The following CCSER1 variants were observed in gnomAD, a reference collection of about 807,000 sequenced individuals.
CCSER1 encodes coiled-coil serine rich protein 1, also known as serine-rich coiled-coil domain-containing protein 1.
Under a neutral mutation model 82.0 loss-of-function variants are expected in CCSER1, and 41 were observed. The ratio of observed to expected loss-of-function variants is 0.50; its 90% confidence interval spans 0.39 to 0.65. The LOEUF is 0.65. Ranked by LOEUF, CCSER1 falls within the 30% of genes least tolerant of loss-of-function variation. The pLI is 0.00. For synonymous variants in CCSER1, 414 were observed against 383.9 expected, an observed-to-expected ratio of 1.08 and a Z score of -0.92; for missense variants, 1,119 against 1,064.2, an observed-to-expected ratio of 1.05 and a Z score of -0.72.
chr4:90,744,912 C>G (rs1310602596), intron 7 of CCSER1, among the ~76,000 whole-genome samples: 1 of 151,716 alleles, frequency 6.6e-6, no homozygotes, highest in African/African-American at 2.4e-5. Context: ...GACTAGTGAT[C>G]TAGACTATCG....
intron 10 of CCSER1, among the ~76,000 whole-genome samples, chr4:91,432,722 T>C (rs1198264013): frequency 6.6e-6 from 1 of 152,202 alleles, no homozygotes; most frequent in Admixed American, 6.5e-5. Context: ...TGGATTTTTG[T>C]ATTGTGTTAC....
chr4:90,627,933 C>A (rs762638212), intron 5 of CCSER1, 92 bp from the exon 6 acceptor site: 6 of 915,768 alleles, frequency 6.6e-6, no homozygotes, highest in Non-Finnish European at 1.1e-5. Flanking sequence ...GAAATACTTT[C>A]TAGGATACTA....
At chr4:90,300,575 A>T (rs1732903822) in intron 1 of CCSER1, among the ~76,000 whole-genome samples, 1 of 152,176 alleles carries the variant, frequency 6.6e-6, no homozygotes, top group Admixed American at 6.6e-5. Flanking sequence ...TATCTCATAT[A>T]TGAGACCAGG....
intron 6 of CCSER1, among the ~76,000 whole-genome samples, chr4:90,692,018 T>G (rs1300882704): frequency 6.8e-6 from 1 of 147,432 alleles, no homozygotes; most frequent in Non-Finnish European, 1.5e-5. Context: ...TAAATATTCT[T>G]TTACAATTCA....
At chr4:90,448,279 C>G (rs1397327438) in intron 4 of CCSER1, among the ~76,000 whole-genome samples, 2 of 151,532 alleles carry the variant, frequency 1.3e-5, no homozygotes, top group African/African-American at 4.8e-5. Flanking sequence ...GGATAATTCA[C>G]AAAGCATTGT....
At chr4:91,005,539 T>C (rs1379938373) in intron 9 of CCSER1, among the ~76,000 whole-genome samples, 1 of 152,168 alleles carries the variant, frequency 6.6e-6, no homozygotes, top group Non-Finnish European at 1.5e-5. Context: ...TTTAAAATTT[T>C]TGGTAATAAT....
intron 10 of CCSER1, among the ~76,000 whole-genome samples, chr4:91,387,608 G>C (rs541120720): frequency 2.5e-4 from 38 of 152,048 alleles, no homozygotes; most frequent in Admixed American, 3.9e-4. Context: ...TGAGGCTTTG[G>C]TCTCCATTTT....
intron 5 of CCSER1, among the ~76,000 whole-genome samples, chr4:90,535,389 A>C (rs1212600347): frequency 6.6e-6 from 1 of 152,168 alleles, no homozygotes; most frequent in Non-Finnish European, 1.5e-5. Flanking sequence ...ATTTAAGACC[A>C]GACCGGACAA....
At chr4:90,963,617 T>C (rs72882893) in intron 9 of CCSER1, among the ~76,000 whole-genome samples, 1,763 of 151,620 alleles carry the variant, frequency 0.012, 32 homozygotes, top group African/African-American at 0.039. Flanking sequence ...GAAAAGGCCA[T>C]TTGAGGGCAC....
intron 10 of CCSER1, among the ~76,000 whole-genome samples, chr4:91,393,397 G>A (rs1051536892): frequency 5.9e-5 from 9 of 152,040 alleles, no homozygotes; most frequent in Non-Finnish European, 1.5e-5. Context: ...TCTATATTGA[G>A]TGCCTCTGCT....
At chr4:90,127,972 C>A (rs920211911) in intron 1 of CCSER1, 141 bp downstream of exon 1, 2 of 151,798 alleles carry the variant, frequency 1.3e-5, no homozygotes, top group Non-Finnish European at 2.9e-5. Context: ...GCAGCGCGCG[C>A]CCAGGCCCGG....
intron 10 of CCSER1, among the ~76,000 whole-genome samples, chr4:91,277,723 A>G (rs562093740): frequency 2.3e-3 from 351 of 150,490 alleles, no homozygotes; most frequent in Non-Finnish European, 3.0e-3. Context: ...TTTCTCTACT[A>G]ATTTTGGGTT....
chr4:91,480,015 A>G (rs1454062853), intron 10 of CCSER1, among the ~76,000 whole-genome samples: 2 of 143,268 alleles, frequency 1.4e-5, no homozygotes, highest in Non-Finnish European at 3.0e-5. Context: ...TTCTTGCGAT[A>G]GTTTACTGAG....
chr4:91,523,458 C>T (rs1361284218), intron 10 of CCSER1, among the ~76,000 whole-genome samples: 6 of 152,110 alleles, frequency 3.9e-5, no homozygotes, highest in Non-Finnish European at 8.8e-5. Flanking sequence ...GGTACCAGCT[C>T]CTCTTTGTAC....
At chr4:91,463,130 C>T (rs570359131) in intron 10 of CCSER1, among the ~76,000 whole-genome samples, 3 of 152,134 alleles carry the variant, frequency 2.0e-5, no homozygotes, top group African/African-American at 7.2e-5. Context: ...ACTGACTCCC[C>T]ACATGGCCAA....
chr4:91,302,812 C>CT lies in CCSER1; in HGVS notation c.2217+216830dup, dbSNP rs5860228. Among the ~76,000 whole-genome samples the CT allele has an allele frequency of 2.8e-3, 409 of 148,190 alleles. 2 individuals are homozygous for CT. The highest frequency in any genetic ancestry group is 7.2e-3 in the African/African-American group (290 of 40,426). On this transcript the variant is annotated intron_variant, in intron 10 of 10. Transcript: ENST00000509176. ...TGCCTGTAATTTTTTTCCCCTAGAT[C>CT]TTTTTTTTTTTTGTCATTTGTAAAT...
chr4:90,938,826 T>G (rs566477334), intron 9 of CCSER1: 51 of 217,256 alleles, frequency 2.3e-4, no homozygotes, highest in South Asian at 1.6e-3. Flanking sequence ...ATTTCATATT[T>G]TAAGTATGTA....
intron 10 of CCSER1, among the ~76,000 whole-genome samples, chr4:91,126,008 T>C (rs1276467878): frequency 6.6e-6 from 1 of 151,746 alleles, no homozygotes; most frequent in Non-Finnish European, 1.5e-5. Flanking sequence ...TATTCCAATA[T>C]ACGGACTCTT....
chr4:91,200,982 T>C (rs1269569417), intron 10 of CCSER1, among the ~76,000 whole-genome samples: 1 of 152,004 alleles, frequency 6.6e-6, no homozygotes, highest in African/African-American at 2.4e-5. Context: ...GTTGGCTAAA[T>C]GGAGAGGAAA....
Sources: allele counts gnomAD v4.1 joint callset (sites outside exome capture counted in the v4.1 genomes callset), GRCh38; gene constraint gnomAD v4.1.1; transcripts MANE v1.5; gene names NCBI Gene and HGNC (gene_info 2026-07-23, HGNC 2026-07-21).